STARD13: variants seen among roughly 807,000 people sequenced by gnomAD.
The protein encoded by STARD13 is stAR-related lipid transfer protein 13.
STARD13 carries 62 observed loss-of-function variants against 106.4 expected under a neutral mutation model. The observed-to-expected ratio is 0.58, with a 90% CI of 0.48 to 0.72. STARD13 has a LOEUF of 0.72. Among genes scored for constraint, STARD13 ranks in the 30% least tolerant of loss-of-function variants. STARD13 has a pLI of 0.00. For missense variants in STARD13, 1,387 were observed against 1,424.0 expected, an observed-to-expected ratio of 0.97 and a Z score of 0.42; for synonymous variants, 565 against 553.0, an observed-to-expected ratio of 1.02 and a Z score of -0.31.
the STARD13 span, among the ~76,000 whole-genome samples, chr13:33,362,092 C>T: frequency 1.3e-5 from 2 of 151,830 alleles, no homozygotes; most frequent in South Asian, 4.1e-4. Flanking sequence ...TAAAGAAATA[C>T]CTGAAGCTGG....
chr13:33,287,613 A>T (rs1892122042), upstream of STARD13, among the ~76,000 whole-genome samples: 2 of 141,344 alleles, frequency 1.4e-5, no homozygotes, highest in South Asian at 4.3e-4. Flanking sequence ...GAATGGAGAA[A>T]GGTCGAGCAC....
At chr13:33,329,337 A>G (rs1242299943) in intron 1 of STARD13, among the ~76,000 whole-genome samples, 1 of 152,168 alleles carries the variant, frequency 6.6e-6, no homozygotes, top group African/African-American at 2.4e-5. Context: ...ATGTCTTCAT[A>G]TACATTGTGA....
chr13:33,595,857 A>G, the STARD13 span, among the ~76,000 whole-genome samples: 1 of 152,180 alleles, frequency 6.6e-6, no homozygotes, highest in Non-Finnish European at 1.5e-5. Context: ...CTCTGTTAAA[A>G]CAAACAAACA....
chr13:33,300,053 C>A (rs1039589698), intron 1 of STARD13, among the ~76,000 whole-genome samples: 22 of 152,118 alleles, frequency 1.4e-4, no homozygotes, highest in Non-Finnish European at 5.9e-5. Flanking sequence ...TCAAGAACAC[C>A]TAGAAATGTG....
chr13:33,377,805 T>C, the STARD13 span, among the ~76,000 whole-genome samples: 1 of 152,224 alleles, frequency 6.6e-6, no homozygotes, highest in African/African-American at 2.4e-5. Flanking sequence ...TTTTTGTTTT[T>C]CCCTTGTCCT....
the STARD13 span, among the ~76,000 whole-genome samples, chr13:33,663,985 G>T: frequency 6.6e-6 from 1 of 152,160 alleles, no homozygotes; most frequent in Non-Finnish European, 1.5e-5. Flanking sequence ...CTTCCAACGG[G>T]AAGGGAAGCA....
the STARD13 span, among the ~76,000 whole-genome samples, chr13:33,498,155 A>G: frequency 2.6e-5 from 4 of 152,334 alleles, no homozygotes; most frequent in East Asian, 7.7e-4. Flanking sequence ...TTGCAAACAG[A>G]GAAAAATAAT....
intron 1 of STARD13, among the ~76,000 whole-genome samples, chr13:33,270,597 T>C (rs765802637): frequency 2.6e-5 from 4 of 152,198 alleles, no homozygotes; most frequent in Non-Finnish European, 4.4e-5. Flanking sequence ...AAAATATCGA[T>C]GACTACCATG....
chr13:33,516,721 G>T, the STARD13 span, among the ~76,000 whole-genome samples: 1 of 151,948 alleles, frequency 6.6e-6, no homozygotes, highest in Non-Finnish European at 1.5e-5. Context: ...AGTCCAAATT[G>T]AGATGTGCCA....
the STARD13 span, among the ~76,000 whole-genome samples, chr13:33,442,246 T>C: frequency 2.0e-5 from 3 of 152,336 alleles, no homozygotes; most frequent in Non-Finnish European, 4.4e-5. Flanking sequence ...GAGCAATTGC[T>C]GCCGAAAAAT....
chr13:33,292,133 C>T, intron 1 of STARD13, among the ~76,000 whole-genome samples: 1 of 152,116 alleles, frequency 6.6e-6, no homozygotes, highest in Admixed American at 6.5e-5. Context: ...AAAATCCATT[C>T]ACAGATATGC....
intron 1 of STARD13, among the ~76,000 whole-genome samples, chr13:33,333,418 AT>A (rs2138566777): frequency 6.6e-6 from 1 of 152,228 alleles, no homozygotes; most frequent in South Asian, 2.1e-4. Flanking sequence ...AATTTCAACT[AT>A]GCCTTCTCCA....
chr13:33,285,062 A>T (rs1418240355), intron 1 of STARD13, among the ~76,000 whole-genome samples: 1 of 152,108 alleles, frequency 6.6e-6, no homozygotes, highest in African/African-American at 2.4e-5. Flanking sequence ...TATTCGAAAT[A>T]CTCTGGGCAG....
At chr13:33,650,279 C>T in the STARD13 span, among the ~76,000 whole-genome samples, 2 of 143,436 alleles carry the variant, frequency 1.4e-5, no homozygotes, top group African/African-American at 5.4e-5. Flanking sequence ...CAAGCTCCGC[C>T]TCCCGGGTTC....
At chr13:33,527,601 G>T in the STARD13 span, among the ~76,000 whole-genome samples, 3 of 151,842 alleles carry the variant, frequency 2.0e-5, no homozygotes, top group Non-Finnish European at 4.4e-5. Context: ...ATCAGGTGGT[G>T]GACTGTCCAA....
In STARD13 at chr13:33,312,038, A is replaced by C. The variant is rs1345464091; in HGVS notation, c.124+38252T>G. ...ACCTATTGGATATGCAGTTCGTGTC[A>C]GAACAAATGGTTGTTTCTCCTTAGA... is the stretch of plus-strand genomic sequence containing the variant. On this transcript the variant is annotated intron_variant, in intron 1 of 5. Transcript: ENST00000567873. Among the ~76,000 whole-genome samples the C allele has an allele frequency of 2.0e-5, 3 of 152,372 alleles. No homozygotes were observed. In the East Asian group the frequency reaches 5.8e-4, roughly 29 times the overall value.
Position 33,104,634 on chromosome 13 carries a change from T to C in STARD13, c.*959A>G, listed in dbSNP as rs1873470695. On this transcript the variant is annotated 3_prime_UTR_variant, in exon 14 of 14. Coordinates refer to ENST00000336934, the MANE Select transcript of STARD13 (RefSeq NM_178006.4). ...CAAATAGGCCACTGGTCAAATAGAA[T>C]GACATTTAATAACATTATGAAATGT... is the stretch of plus-strand genomic sequence containing the variant. 6.5e-6 allele frequency: 1 copy of C among 152,840 alleles called. No homozygotes were observed. The highest frequency in any genetic ancestry group is 6.5e-5 in the Admixed American group (1 of 15,280). The allele number at this position is 152,840 out of a possible 1,614,324, so 9.5% of individuals were successfully genotyped here. A position where few individuals can be genotyped will look rare whatever the true frequency, so the allele number is the denominator to read the frequency against.
chr13:33,456,656 C>G, the STARD13 span, among the ~76,000 whole-genome samples: 1 of 152,072 alleles, frequency 6.6e-6, no homozygotes, highest in Non-Finnish European at 1.5e-5. Flanking sequence ...TTCTCTTTTT[C>G]TAAGGACATC....
At chr13:33,311,184 C>A (rs777816158) in intron 1 of STARD13, among the ~76,000 whole-genome samples, 18 of 151,196 alleles carry the variant, frequency 1.2e-4, no homozygotes, top group Non-Finnish European at 2.4e-4. Context: ...GTGGTCCCAG[C>A]TACTCGGGAG....
Sources: gnomAD v4.1 joint callset for allele counts (sites outside exome capture counted in the v4.1 genomes callset) on GRCh38, gnomAD v4.1.1 for gene constraint, MANE v1.5 for transcripts, NCBI Gene and HGNC (gene_info 2026-07-23, HGNC 2026-07-21) for gene names.